TPO: variants seen among roughly 807,000 people sequenced by gnomAD.
TPO encodes the protein thyroid peroxidase.
In TPO, 78 loss-of-function variants were observed where a neutral mutation model predicts 96.9. The ratio of observed to expected loss-of-function variants is 0.81; its 90% confidence interval spans 0.67 to 0.97. The LOEUF (loss-of-function observed/expected upper bound fraction) is 0.97, where lower values mean the gene tolerates loss of function less well. Among genes scored for constraint, TPO ranks in the 50% least tolerant of loss-of-function variants. TPO has a pLI of 0.00. For synonymous variants in TPO, 547 were observed against 538.0 expected (o/e 1.02, Z -0.23); for missense variants, 1,252 against 1,274.8 (o/e 0.98, Z 0.27).
intron 6 of TPO, among the ~76,000 whole-genome samples, chr2:1,454,441 A>G (rs886658123): frequency 6.6e-6 from 1 of 152,242 alleles, no homozygotes; most frequent in African/African-American, 2.4e-5. Context: ...AGCTGTGGAC[A>G]GATACACCAG....
chr2:1,472,815 C>A (rs1319520510), intron 7 of TPO, among the ~76,000 whole-genome samples: 1 of 50,942 alleles, frequency 2.0e-5, no homozygotes, highest in Admixed American at 2.8e-4. Flanking sequence ...TTTTTTTCTG[C>A]TTGTTTGGCG....
chr2:1,520,281 C>T (rs1308831190), intron 15 of TPO, among the ~76,000 whole-genome samples: 1 of 152,196 alleles, frequency 6.6e-6, no homozygotes, highest in Non-Finnish European at 1.5e-5. Context: ...GCCTCGCCTC[C>T]CTGTGTCTTA....
At position 1,484,591 on chromosome 2, in the gene TPO, C is replaced by G. The variant is rs1272558282; in HGVS notation, c.1339-5C>G. ...CTCACTGAGATGCTTTTCCTATCTG[C>G]ACAGATCATCACCCTGAGGGATTAC... On this transcript the variant is annotated splice_polypyrimidine_tract_variant and splice_region_variant and intron_variant, in intron 8 of 16. Transcript: ENST00000329066. The G allele has an allele frequency of 3.7e-6, 6 of 1,613,968 alleles. No individual in the cohort carries two copies. The highest frequency in any genetic ancestry group is 2.2e-5 in the East Asian group (1 of 44,896).
intron 15 of TPO, among the ~76,000 whole-genome samples, chr2:1,521,892 G>A (rs565119059): frequency 5.3e-5 from 8 of 152,080 alleles, no homozygotes; most frequent in East Asian, 1.9e-4. Flanking sequence ...CAGTCCCCCC[G>A]TGGGTTCAGC....
chr2:1,505,849 G>T (rs1414453240), intron 14 of TPO, among the ~76,000 whole-genome samples: 2 of 141,628 alleles, frequency 1.4e-5, no homozygotes, highest in Non-Finnish European at 3.1e-5. Context: ...CTTTTTGGCA[G>T]TTTTTTTTTT....
In TPO at chr2:1,491,011, A is replaced by G. The variant is rs570489334; in HGVS notation, c.1769-2791A>G. ...TGGTGAAACCCTGTCTCTACTAAAA[A>G]TATAAAAAATCAGCTGGGCGTGGTG... On this transcript the variant is annotated intron_variant, in intron 10 of 16. Transcript: ENST00000329066. Among the ~76,000 whole-genome samples the G allele has an allele frequency of 2.6e-5, 4 of 152,252 alleles. No homozygotes were observed. In the South Asian group the frequency reaches 8.3e-4, roughly 32 times the overall value.
At position 1,500,800 on chromosome 2, in the gene TPO, A is replaced by T. The variant is rs534828197; in HGVS notation, c.2387-3148A>T. ...GCCAAGATGGTGAAACCCCGTCTCT[A>T]CTAAAAATACAAAGAAGAAAAATTA... On this transcript the variant is annotated intron_variant, in intron 13 of 16. Transcript: ENST00000329066. 3.3e-5 allele frequency among the ~76,000 whole-genome samples: 5 copies of T among 152,036 alleles called. No individual in the cohort carries two copies. The East Asian group carries it at 9.7e-4, about 29-fold the overall frequency.
intron 3 of TPO, among the ~76,000 whole-genome samples, chr2:1,430,809 C>T (rs1207262404): frequency 6.7e-6 from 1 of 149,170 alleles, no homozygotes; most frequent in East Asian, 2.0e-4. Flanking sequence ...ATCAAGCCTT[C>T]CTGTTGGCTG....
chr2:1,402,722 A>C (rs903638287), intron 1 of TPO, among the ~76,000 whole-genome samples: 2 of 152,270 alleles, frequency 1.3e-5, no homozygotes, highest in African/African-American at 2.4e-5. Flanking sequence ...ACCAACCAGG[A>C]GAACAGTAGG....
chr2:1,423,011 T>C (rs377563692), intron 2 of TPO, 34 bp from the exon 3 acceptor site: 36 of 1,603,578 alleles, frequency 2.2e-5, no homozygotes, highest in Admixed American at 1.7e-4. Context: ...TGAACTGTCA[T>C]TGCGCTTTGA....
chr2:1,488,130 T>A, intron 10 of TPO, 139 bp downstream of exon 10: 1 of 1,224,722 alleles, frequency 8.2e-7, no homozygotes, highest in Non-Finnish European at 1.2e-6. Flanking sequence ...CTTAAAGGGC[T>A]CCAGTTCATT....
At chr2:1,495,509 A>T (rs1259816381) in intron 11 of TPO, among the ~76,000 whole-genome samples, 1 of 152,252 alleles carries the variant, frequency 6.6e-6, no homozygotes, top group East Asian at 1.9e-4. Flanking sequence ...ACCCTCTAAA[A>T]TAGCTGGATT....
intron 2 of TPO, among the ~76,000 whole-genome samples, chr2:1,419,183 G>A (rs1041195964): frequency 3.3e-5 from 5 of 152,184 alleles, no homozygotes; most frequent in African/African-American, 4.8e-5. Flanking sequence ...TCTTGAGAAG[G>A]CGCAGGCAGA....
intron 1 of TPO, among the ~76,000 whole-genome samples, chr2:1,396,070 A>T (rs906090643): frequency 2.0e-5 from 3 of 152,340 alleles, no homozygotes; most frequent in African/African-American, 4.8e-5. Flanking sequence ...GTGAGCTGCC[A>T]CTAAGCTCTG....
At chr2:1,457,288 A>G (rs1667894987) in intron 7 of TPO, among the ~76,000 whole-genome samples, 1 of 90,872 alleles carries the variant, frequency 1.1e-5, no homozygotes, top group Admixed American at 1.2e-4. Flanking sequence ...TAGTGTGGGC[A>G]GATGTGTACA....
intron 8 of TPO, among the ~76,000 whole-genome samples, chr2:1,481,006 G>T (rs538780453): frequency 1.3e-5 from 2 of 151,718 alleles, no homozygotes; most frequent in Admixed American, 1.3e-4. Flanking sequence ...GATCTGCAGG[G>T]CCGCCCTCTG....
chr2:1,426,620 C>G (rs1023293975), intron 3 of TPO, among the ~76,000 whole-genome samples: 4 of 152,088 alleles, frequency 2.6e-5, no homozygotes, highest in Non-Finnish European at 2.9e-5. Context: ...GTTTTAGATG[C>G]CAGGATACAG....
intron 15 of TPO, among the ~76,000 whole-genome samples, chr2:1,533,883 T>C (rs1186882176): frequency 1.1e-5 from 1 of 91,564 alleles, no homozygotes; most frequent in Admixed American, 1.4e-4. Flanking sequence ...CCCCCCACTC[T>C]GTGTGCAACC....
intron 5 of TPO, among the ~76,000 whole-genome samples, chr2:1,443,706 C>T (rs1489800342): frequency 8.5e-6 from 1 of 117,478 alleles, no homozygotes; most frequent in Non-Finnish European, 1.8e-5. Context: ...ATGGAGCTGG[C>T]TCCTTCTTGT....
Sources: gnomAD v4.1 joint callset for allele counts (sites outside exome capture counted in the v4.1 genomes callset) on GRCh38, gnomAD v4.1.1 for gene constraint, MANE v1.5 for transcripts, NCBI Gene and HGNC (gene_info 2026-07-23, HGNC 2026-07-21) for gene names.